Variants in TTC33 observed in about 807,000 individuals in gnomAD.
TTC33 encodes the protein tetratricopeptide repeat domain 33.
A neutral mutation model predicts 29.4 loss-of-function variants in TTC33; 24 were observed. That is an observed-to-expected ratio of 0.82 (90% CI 0.59 to 1.15). TTC33 has a LOEUF of 1.15. TTC33 is among the 50% of genes most tolerant of loss of function. The pLI is 0.00. For missense variants in TTC33, 286 were observed against 310.4 expected, an observed-to-expected ratio of 0.92 and a Z score of 0.59; for synonymous variants, 107 against 100.3, an observed-to-expected ratio of 1.07 and a Z score of -0.40.
intron 3 of TTC33, among the ~76,000 whole-genome samples, chr5:40,728,831 T>G (rs1388465434): frequency 2.6e-5 from 4 of 152,210 alleles, no homozygotes; most frequent in African/African-American, 9.6e-5. Context: ...GGTATTGCCA[T>G]TAAACTAGGT....
intron 4 of TTC33, among the ~76,000 whole-genome samples, chr5:40,723,307 A>G (rs1742198714): frequency 6.6e-6 from 1 of 152,144 alleles, no homozygotes; most frequent in African/African-American, 2.4e-5. Flanking sequence ...GGAAGGCCGC[A>G]GGGTCCTCTG....
chr5:40,751,007 T>C (rs1742884768), intron 1 of TTC33, among the ~76,000 whole-genome samples: 1 of 152,224 alleles, frequency 6.6e-6, no homozygotes, highest in Non-Finnish European at 1.5e-5. Flanking sequence ...AAGGTTGTAA[T>C]CAACTTCTTC....
Position 40,733,879 on chromosome 5 carries a change from C to A in TTC33, c.222-3536G>T, listed in dbSNP as rs983406398. Reference sequence around the variant, plus strand: ...TTTTTCTTTTTATTAGGCAGGTATGCATGTGTGCATATACATACAAACAGA... The same window carrying A: ...TTTTTCTTTTTATTAGGCAGGTATGAATGTGTGCATATACATACAAACAGA... On this transcript the variant is annotated intron_variant, in intron 2 of 4. Coordinates refer to ENST00000337702, the MANE Select transcript of TTC33 (RefSeq NM_012382.3). 2.0e-5 allele frequency among the ~76,000 whole-genome samples: 3 copies of A among 152,264 alleles called. No individual in the cohort carries two copies. The East Asian group carries it at 5.8e-4, about 29-fold the overall frequency.
chr5:40,747,111 T>A lies in TTC33; in HGVS notation c.-1-92A>T. On this transcript the variant is annotated intron_variant, in intron 1 of 4. Transcript: ENST00000337702. ...CTCACTCTCGTTGCCCAGGCTGGAG[T>A]ACGATGGCACGACCTCGGCTCACCG... 4 of 1,156,036 alleles carry A rather than the reference T, an allele frequency of 3.5e-6. No individual in the cohort carries two copies. The South Asian group carries it at 6.2e-5, about 18-fold the overall frequency. The allele number at this position is 1,156,036 out of a possible 1,614,324, so 71.6% of individuals were successfully genotyped here.
intron 2 of TTC33, among the ~76,000 whole-genome samples, chr5:40,733,416 G>A (rs1579681339): frequency 6.6e-6 from 1 of 152,128 alleles, no homozygotes. Flanking sequence ...TTCAAAAAAT[G>A]GGCATTGCTG....
At chr5:40,735,154 A>G (rs530217769) in intron 2 of TTC33, among the ~76,000 whole-genome samples, 30 of 152,354 alleles carry the variant, frequency 2.0e-4, no homozygotes, top group Non-Finnish European at 2.8e-4. Flanking sequence ...AGAGAATACA[A>G]TAAGCCATAG....
At chr5:40,718,945 T>C (rs1742067827) in intron 4 of TTC33, among the ~76,000 whole-genome samples, 1 of 152,148 alleles carries the variant, frequency 6.6e-6, no homozygotes, top group South Asian at 2.1e-4. Flanking sequence ...ACCATGGGAA[T>C]TGTGCTTTAT....
chr5:40,720,870 G>C (rs1742115901), intron 4 of TTC33, among the ~76,000 whole-genome samples: 1 of 152,158 alleles, frequency 6.6e-6, no homozygotes, highest in Non-Finnish European at 1.5e-5. Context: ...AGAATGAATT[G>C]GTCTGAGTGT....
At position 40,755,940 on chromosome 5, in the gene TTC33, C is replaced by G. The variant is rs556536739; in HGVS notation, c.-118G>C. ...GACTCAGTCTTTCCCCTCCGCCAAT[C>G]TCTTCTCCGGGACCACAAATCCCAG... On this transcript the variant is annotated 5_prime_UTR_variant, in exon 1 of 5. Transcript: ENST00000337702. The G allele has an allele frequency of 6.6e-6, 1 of 152,568 alleles. No individual in the cohort carries two copies. Among genetic ancestry groups the G allele is most frequent in the East Asian group, 1.9e-4 (1 of 5,270 alleles). 9.5% of individuals were successfully genotyped at this position (152,568 alleles called of 1,614,324 possible). A position where few individuals can be genotyped will look rare whatever the true frequency, so the allele number is the denominator to read the frequency against.
At position 40,755,912 on chromosome 5, in the gene TTC33, G is replaced by C. The variant is rs983383668; in HGVS notation, c.-90C>G. ...AGTCCACAGAAGCGGGCAAAGGAAA[G>C]ACGACTCAGTCTTTCCCCTCCGCCA... On this transcript the variant is annotated 5_prime_UTR_variant, in exon 1 of 5. Transcript: ENST00000337702. 2 of 152,366 alleles carry C rather than the reference G, an allele frequency of 1.3e-5. No homozygotes were observed. Among genetic ancestry groups the C allele is most frequent in the African/African-American group, 4.8e-5 (2 of 41,470 alleles). The allele number at this position is 152,366 out of a possible 1,614,324, so 9.4% of individuals were successfully genotyped here. A position where few individuals can be genotyped will look rare whatever the true frequency, so the allele number is the denominator to read the frequency against.
chr5:40,722,318 C>G (rs916591580), intron 4 of TTC33, among the ~76,000 whole-genome samples: 5 of 152,174 alleles, frequency 3.3e-5, no homozygotes, highest in African/African-American at 2.4e-5. Context: ...ATCCTCTGCC[C>G]GGCCGCCACC....
At chr5:40,736,219 TAA>T (rs1742547778) in intron 2 of TTC33, among the ~76,000 whole-genome samples, 3 of 152,116 alleles carry the variant, frequency 2.0e-5, no homozygotes, top group Admixed American at 2.0e-4. Context: ...GGTGAGAAAA[TAA>T]AGTCATTCTA....
chr5:40,738,787 C>T (rs1248359611), intron 2 of TTC33, among the ~76,000 whole-genome samples: 8 of 151,976 alleles, frequency 5.3e-5, no homozygotes, highest in African/African-American at 1.9e-4. Context: ...TTTGAAATTT[C>T]TTGATGACTA....
chr5:40,720,885 T>A (rs1187970163), intron 4 of TTC33, among the ~76,000 whole-genome samples: 1 of 152,218 alleles, frequency 6.6e-6, no homozygotes. Context: ...GAGTGTCCAA[T>A]GCCCCAACTT....
At chr5:40,744,493 T>TTG (rs1052328370) in intron 2 of TTC33, among the ~76,000 whole-genome samples, 8 of 151,402 alleles carry the variant, frequency 5.3e-5, no homozygotes, top group Admixed American at 2.0e-4. Flanking sequence ...ACCAGTTTTT[T>TTG]TTTTTTTTTT....
rs837116 is a variant in TTC33 at position 40,735,873 on chromosome 5, G to T, written c.222-5530C>A. Among the ~76,000 whole-genome samples the T allele has an allele frequency of 1.1e-3, 164 of 152,288 alleles. 1 individual carries two copies. In the East Asian group the frequency reaches 0.026, roughly 25 times the overall value. ...GAGGTCACTGATAACCTTTACAAAA[G>T]CAGTTTCAGTGGATTCATGGGGACA... On this transcript the variant is annotated intron_variant, in intron 2 of 4. Coordinates refer to ENST00000337702, the MANE Select transcript of TTC33 (RefSeq NM_012382.3).
intron 2 of TTC33, among the ~76,000 whole-genome samples, chr5:40,743,049 A>G (rs1293230145): frequency 6.6e-6 from 1 of 152,226 alleles, no homozygotes; most frequent in African/African-American, 2.4e-5. Flanking sequence ...CATTCTTACA[A>G]AAGAAAAACA....
rs538782717 is a variant in TTC33 at position 40,711,893 on chromosome 5, T to C, written c.*4252A>G. Among the ~76,000 whole-genome samples the C allele has an allele frequency of 9.1e-4, 138 of 152,170 alleles. 1 individual carries two copies. The highest frequency in any genetic ancestry group is 2.1e-3 in the South Asian group (10 of 4,822). On this transcript the variant is annotated 3_prime_UTR_variant, in exon 5 of 5. Coordinates refer to ENST00000337702, the MANE Select transcript of TTC33 (RefSeq NM_012382.3). The stretch of plus-strand genomic sequence containing the variant: ...ATAGCCACAGAAAGCAGAAAAGTAG[T>C]TGACTAGGGATGGCTGTTCAGGTGG...
intron 2 of TTC33, among the ~76,000 whole-genome samples, chr5:40,735,432 T>C (rs1170089330): frequency 5.3e-5 from 8 of 152,118 alleles, no homozygotes; most frequent in African/African-American, 1.7e-4. Flanking sequence ...TTGGCTCAAC[T>C]TGGACTTGGT....
Sources: allele counts gnomAD v4.1 joint callset (sites outside exome capture counted in the v4.1 genomes callset), GRCh38; gene constraint gnomAD v4.1.1; transcripts MANE v1.5; gene names NCBI Gene and HGNC (gene_info 2026-07-23, HGNC 2026-07-21).